Variants in CAMKMT observed in about 807,000 individuals in gnomAD.
CAMKMT encodes CaM KMT.
CAMKMT carries 53 observed loss-of-function variants against 48.0 expected under a neutral mutation model. The ratio of observed to expected loss-of-function variants is 1.10; its 90% CI spans 0.89 to 1.39. The LOEUF is 1.39. Among genes scored for constraint, CAMKMT ranks in the 40% most tolerant of loss-of-function variants. CAMKMT has a pLI of 0.00. For synonymous variants in CAMKMT, 165 were observed against 152.3 expected, an observed-to-expected ratio of 1.08 and a Z score of -0.61; for missense variants, 428 against 402.7, an observed-to-expected ratio of 1.06 and a Z score of -0.54.
At chr2:44,478,946 G>GC (rs1668830375) in intron 3 of CAMKMT, among the ~76,000 whole-genome samples, 1 of 152,208 alleles carries the variant, frequency 6.6e-6, no homozygotes, top group African/African-American at 2.4e-5. Flanking sequence ...TGATCCGCCC[G>GC]CCTCGGCCTC....
chr2:44,681,385 A>C (rs369187802), intron 3 of CAMKMT, among the ~76,000 whole-genome samples: 36 of 152,130 alleles, frequency 2.4e-4, no homozygotes, highest in African/African-American at 7.7e-4. Flanking sequence ...AGCTGATAGG[A>C]AGGGGGAAAA....
intron 3 of CAMKMT, among the ~76,000 whole-genome samples, chr2:44,606,874 G>A (rs1008352965): frequency 3.4e-5 from 5 of 149,236 alleles, no homozygotes; most frequent in African/African-American, 1.2e-4. Context: ...AAAGTTTACT[G>A]CAGCTGGTTC....
intron 3 of CAMKMT, among the ~76,000 whole-genome samples, chr2:44,571,626 A>G (rs1420961151): frequency 6.6e-6 from 1 of 152,144 alleles, no homozygotes; most frequent in East Asian, 1.9e-4. Flanking sequence ...CATGACCAAT[A>G]TTATGTACAT....
chr2:44,460,370 TAGTA>T (rs1478354437), intron 3 of CAMKMT, among the ~76,000 whole-genome samples: 1 of 152,210 alleles, frequency 6.6e-6, no homozygotes, highest in African/African-American at 2.4e-5. Flanking sequence ...ATGGGTTGGG[TAGTA>T]AGTGTCTTGG....
intron 3 of CAMKMT, among the ~76,000 whole-genome samples, chr2:44,638,930 T>A (rs1164242210): frequency 6.6e-6 from 1 of 152,190 alleles, no homozygotes; most frequent in Non-Finnish European, 1.5e-5. Flanking sequence ...GACTAAGCCT[T>A]CAAGTGGGGA....
chr2:44,629,931 T>C (rs1672719558), intron 3 of CAMKMT, among the ~76,000 whole-genome samples: 1 of 152,074 alleles, frequency 6.6e-6, no homozygotes, highest in South Asian at 2.1e-4. Flanking sequence ...AGAGCCCACA[T>C]TGCCAAGTCA....
At chr2:44,678,695 C>G (rs999861507) in intron 3 of CAMKMT, among the ~76,000 whole-genome samples, 2 of 152,168 alleles carry the variant, frequency 1.3e-5, no homozygotes, top group African/African-American at 2.4e-5. Flanking sequence ...GTATTTTTAT[C>G]TCATGAGTAA....
rs142722649 is a variant in CAMKMT at position 44,391,643 on chromosome 2, A to G, written c.376+1338A>G. Among the ~76,000 whole-genome samples the G allele has an allele frequency of 1.2e-3, 186 of 152,298 alleles. 1 individual carries two copies. Among genetic ancestry groups the G allele is most frequent in the African/African-American group, 4.3e-3 (179 of 41,572 alleles). On this transcript the variant is annotated intron_variant, in intron 3 of 10. Transcript: ENST00000378494. Reference sequence around the variant, plus strand: ...TGTGGAATTTTTGATTCAGTAATGTAAAAGTCAAGTATTGTTCCCAGTTGG... The same window carrying G: ...TGTGGAATTTTTGATTCAGTAATGTGAAAGTCAAGTATTGTTCCCAGTTGG...
intron 3 of CAMKMT, among the ~76,000 whole-genome samples, chr2:44,449,488 G>T (rs1667179840): frequency 6.6e-6 from 1 of 151,950 alleles, no homozygotes; most frequent in South Asian, 2.1e-4. Context: ...TTATATCTCA[G>T]TAGTTTATAT....
At chr2:44,366,009 A>G (rs995974403) in intron 1 of CAMKMT, among the ~76,000 whole-genome samples, 1 of 152,222 alleles carries the variant, frequency 6.6e-6, no homozygotes, top group African/African-American at 2.4e-5. Flanking sequence ...TGAGTGTCAA[A>G]TCTTTCTAGG....
intron 3 of CAMKMT, among the ~76,000 whole-genome samples, chr2:44,526,641 C>T (rs1031748364): frequency 1.1e-4 from 16 of 152,220 alleles, no homozygotes; most frequent in African/African-American, 3.9e-4. Context: ...GCAAATTCAC[C>T]CATCCTTTGT....
intron 7 of CAMKMT, among the ~76,000 whole-genome samples, chr2:44,717,169 C>G (rs1678215030): frequency 6.6e-6 from 1 of 151,896 alleles, no homozygotes; most frequent in African/African-American, 2.4e-5. Context: ...AGATATATTG[C>G]TCTGATATGT....
chr2:44,643,849 T>C (rs1183740190), intron 3 of CAMKMT, among the ~76,000 whole-genome samples: 1 of 152,188 alleles, frequency 6.6e-6, no homozygotes, highest in Non-Finnish European at 1.5e-5. Context: ...ATTAACATTT[T>C]TATAGTGTGT....
At chr2:44,515,466 C>T (rs1239557313) in intron 3 of CAMKMT, among the ~76,000 whole-genome samples, 1 of 152,138 alleles carries the variant, frequency 6.6e-6, no homozygotes, top group Non-Finnish European at 1.5e-5. Flanking sequence ...AGGGGAGTTA[C>T]ATGATCAATG....
At chr2:44,698,196 G>T (rs1337876523) in intron 3 of CAMKMT, among the ~76,000 whole-genome samples, 1 of 152,172 alleles carries the variant, frequency 6.6e-6, no homozygotes, top group African/African-American at 2.4e-5. Flanking sequence ...CACAATTTTA[G>T]AATATTTTGT....
intron 3 of CAMKMT, among the ~76,000 whole-genome samples, chr2:44,391,616 A>C (rs1429518273): frequency 3.3e-5 from 5 of 152,152 alleles, no homozygotes; most frequent in African/African-American, 4.8e-5. Flanking sequence ...TAGAATGTTA[A>C]ATGTGGAATT....
intron 3 of CAMKMT, among the ~76,000 whole-genome samples, chr2:44,664,414 A>G (rs529893340): frequency 3.1e-4 from 47 of 152,318 alleles, no homozygotes; most frequent in African/African-American, 1.1e-3. Flanking sequence ...TCTATGTGGA[A>G]TCCTATTGTC....
intron 9 of CAMKMT, among the ~76,000 whole-genome samples, chr2:44,764,306 G>A (rs1053208359): frequency 4.6e-5 from 7 of 152,204 alleles, no homozygotes; most frequent in African/African-American, 9.7e-5. Flanking sequence ...AAGTGAGGGC[G>A]AAGGGGAGAG....
At chr2:44,625,691 G>T (rs1167627774) in intron 3 of CAMKMT, among the ~76,000 whole-genome samples, 2 of 152,094 alleles carry the variant, frequency 1.3e-5, no homozygotes, top group Non-Finnish European at 2.9e-5. Context: ...TTTTAATACA[G>T]TGTGAGGTAA....
Sources: gnomAD v4.1 joint callset for allele counts (sites outside exome capture counted in the v4.1 genomes callset) on GRCh38, gnomAD v4.1.1 for gene constraint, MANE v1.5 for transcripts, NCBI Gene and HGNC (gene_info 2026-07-23, HGNC 2026-07-21) for gene names.